The following LIN28B variants were observed in gnomAD, a reference collection of about 807,000 sequenced individuals.
LIN28B encodes the protein lin-28 RNA binding posttranscriptional regulator B.
A neutral mutation model predicts 21.9 loss-of-function variants in LIN28B; 5 were observed. The observed-to-expected ratio is 0.23, with a 90% confidence interval of 0.12 to 0.48. The LOEUF (loss-of-function observed/expected upper bound fraction) is 0.48, where lower values mean the gene tolerates loss of function less well. LIN28B is among the 20% of genes least tolerant of loss of function. The pLI, the probability that LIN28B is intolerant of heterozygous loss-of-function variation, is 0.98. For missense variants in LIN28B, 245 were observed against 310.5 expected (o/e 0.79, Z 1.58); for synonymous variants, 109 against 111.3 (o/e 0.98, Z 0.13).
At chr6:105,023,355 AATTAT>A (rs1416775732) in intron 2 of LIN28B, among the ~76,000 whole-genome samples, 1 of 13,278 alleles carries the variant, frequency 7.5e-5, no homozygotes, top group Non-Finnish European at 1.2e-4. Flanking sequence ...TAATATATAT[AATTAT>A]ATTATATATA....
At chr6:105,027,741 A>G (rs899587992) in intron 3 of LIN28B, among the ~76,000 whole-genome samples, 1 of 152,018 alleles carries the variant, frequency 6.6e-6, no homozygotes, top group African/African-American at 2.4e-5. Context: ...TTTTAGTATT[A>G]TTTTAGTTAA....
At chr6:104,997,268 G>A (rs146038793) in intron 2 of LIN28B, among the ~76,000 whole-genome samples, 80 of 141,286 alleles carry the variant, frequency 5.7e-4, no homozygotes, top group African/African-American at 2.1e-3. Flanking sequence ...GCGACAGAAC[G>A]AGACTCCGTC....
chr6:104,949,142 G>T (rs1322769749), intron 2 of LIN28B, among the ~76,000 whole-genome samples: 1 of 151,990 alleles, frequency 6.6e-6, no homozygotes, highest in African/African-American at 2.4e-5. Context: ...AGAATAGGCT[G>T]TGGACTATTA....
chr6:105,073,594 T>A (rs1772371765), intron 3 of LIN28B, among the ~76,000 whole-genome samples: 1 of 152,192 alleles, frequency 6.6e-6, no homozygotes, highest in African/African-American at 2.4e-5. Flanking sequence ...AATGCCCCCA[T>A]CAGACCCTCA....
At chr6:105,023,576 A>T (rs1240279455) in intron 2 of LIN28B, among the ~76,000 whole-genome samples, 2 of 51,934 alleles carry the variant, frequency 3.9e-5, no homozygotes, top group African/African-American at 8.2e-5. Context: ...TAATATATAT[A>T]ATATATATTA....
At chr6:105,026,844 T>C (rs1771296471) in intron 3 of LIN28B, among the ~76,000 whole-genome samples, 1 of 152,142 alleles carries the variant, frequency 6.6e-6, no homozygotes, top group Admixed American at 6.5e-5. Context: ...TTTTGTCTGT[T>C]TTTGAAAGAC....
chr6:104,975,072 G>A (rs1233243914), intron 2 of LIN28B, among the ~76,000 whole-genome samples: 1 of 151,964 alleles, frequency 6.6e-6, no homozygotes, highest in Non-Finnish European at 1.5e-5. Flanking sequence ...CGCCCACTTC[G>A]GCCTCCCAAA....
rs368275930 is a variant in LIN28B at position 105,032,705 on chromosome 6, G to A, written c.383+6223G>A. ...CTACTGCACCCTAGCCAGGGTGACA[G>A]CAAGACCCTGCCTCAAAAAAAAAAA... On this transcript the variant is annotated intron_variant, in intron 3 of 3. Transcript: ENST00000345080. 2.0e-5 allele frequency among the ~76,000 whole-genome samples: 3 copies of A among 151,732 alleles called. 1 individual carries two copies. Among genetic ancestry groups the A allele is most frequent in the East Asian group, 3.9e-4 (2 of 5,156 alleles).
intron 2 of LIN28B, among the ~76,000 whole-genome samples, chr6:104,997,216 G>A (rs1299645167): frequency 6.6e-6 from 1 of 151,402 alleles, no homozygotes. Context: ...GGGAGGCAGA[G>A]GTTGCAGTGA....
rs1020345896 is a variant in LIN28B at position 104,957,164 on chromosome 6, A to G, written c.-87A>G. The G allele has an allele frequency of 6.8e-6, 11 of 1,612,864 alleles. No homozygotes were observed. Among genetic ancestry groups the G allele is most frequent in the African/African-American group, 1.3e-5 (1 of 74,836 alleles). Reference sequence around the variant, plus strand: ...CTAAATTTGTGATCGCACAAAATCAAGATGTTAGATTGATGCAGAAGATCA... The same window carrying G: ...CTAAATTTGTGATCGCACAAAATCAGGATGTTAGATTGATGCAGAAGATCA... On this transcript the variant is annotated 5_prime_UTR_variant, in exon 1 of 4. Coordinates refer to ENST00000345080, the MANE Select transcript of LIN28B (RefSeq NM_001004317.4).
chr6:105,027,305 T>C (rs1771305560), intron 3 of LIN28B, among the ~76,000 whole-genome samples: 1 of 152,142 alleles, frequency 6.6e-6, no homozygotes, highest in Non-Finnish European at 1.5e-5. Flanking sequence ...AGACAGCTCA[T>C]TGAATGTTGT....
chr6:104,955,207 G>A (rs947580561), upstream of LIN28B, among the ~76,000 whole-genome samples: 1 of 152,186 alleles, frequency 6.6e-6, no homozygotes, highest in South Asian at 2.1e-4. Flanking sequence ...TATAATAGAA[G>A]TAATTTCTAC....
intron 3 of LIN28B, among the ~76,000 whole-genome samples, chr6:105,048,748 G>A (rs1037991494): frequency 3.3e-5 from 5 of 152,056 alleles, no homozygotes; most frequent in East Asian, 1.9e-4. Context: ...GTCTTGGGAA[G>A]GTGTATGTGT....
At chr6:104,966,131 T>A (rs1210583846) in intron 2 of LIN28B, among the ~76,000 whole-genome samples, 1 of 152,148 alleles carries the variant, frequency 6.6e-6, no homozygotes, top group Non-Finnish European at 1.5e-5. Flanking sequence ...TAGTAGGGAC[T>A]CAATGTGTGT....
chr6:104,954,778 A>G (rs377689215), upstream of LIN28B, among the ~76,000 whole-genome samples: 2 of 152,156 alleles, frequency 1.3e-5, no homozygotes, highest in Admixed American at 1.3e-4. Context: ...GAATCTCATA[A>G]CTATACTGTA....
At chr6:105,027,565 A>C (rs1434725992) in intron 3 of LIN28B, among the ~76,000 whole-genome samples, 1 of 151,934 alleles carries the variant, frequency 6.6e-6, no homozygotes, top group Non-Finnish European at 1.5e-5. Context: ...AAAAATAAGA[A>C]ATTTTTTTAG....
chr6:104,946,902 T>C (rs1004248297), intron 2 of LIN28B, among the ~76,000 whole-genome samples: 1 of 152,120 alleles, frequency 6.6e-6, no homozygotes, highest in Non-Finnish European at 1.5e-5. Context: ...GTTGAAAAAT[T>C]CTGGAGATGA....
intron 2 of LIN28B, among the ~76,000 whole-genome samples, chr6:104,961,931 A>T (rs1035911579): frequency 4.6e-5 from 7 of 152,204 alleles, no homozygotes; most frequent in Non-Finnish European, 7.3e-5. Context: ...TGGTAATTAA[A>T]TATTAGATCT....
rs761795463 is a variant in LIN28B at position 105,031,709 on chromosome 6, A to AT, written c.383+5234dup. ...CCACCACACGTCGCTAATTTTTTAT[A>AT]TTTTTTTAGTAGAGACGGAGTTTCA... On this transcript the variant is annotated intron_variant, in intron 3 of 3. Transcript: ENST00000345080. Among the ~76,000 whole-genome samples, 364 of 151,602 alleles carry AT rather than the reference A, an allele frequency of 2.4e-3. 1 individual carries two copies. Among genetic ancestry groups the AT allele is most frequent in the Non-Finnish European group, 3.6e-3 (246 of 67,844 alleles).
Sources: allele counts gnomAD v4.1 joint callset (sites outside exome capture counted in the v4.1 genomes callset), GRCh38; gene constraint gnomAD v4.1.1; transcripts MANE v1.5; gene names NCBI Gene and HGNC (gene_info 2026-07-23, HGNC 2026-07-21).